The following STOX1 variants were observed in gnomAD, a reference collection of about 807,000 sequenced individuals.
STOX1 encodes storkhead-box protein 1.
STOX1 carries 57 observed loss-of-function variants against 74.8 expected under a neutral mutation model. The ratio of observed to expected loss-of-function variants is 0.76; its 90% CI spans 0.62 to 0.95. STOX1 has a LOEUF of 0.95. Among genes scored for constraint, STOX1 ranks in the 40% least tolerant of loss-of-function variants. The pLI is 0.00. For missense variants in STOX1, 1,010 were observed against 1,117.0 expected, an observed-to-expected ratio of 0.90 and a Z score of 1.37; for synonymous variants, 375 against 401.3, an observed-to-expected ratio of 0.93 and a Z score of 0.78.
intron 1 of STOX1, among the ~76,000 whole-genome samples, chr10:68,865,659 A>G (rs1840386194): frequency 6.6e-6 from 1 of 152,188 alleles, no homozygotes. Context: ...GAAACAAAAA[A>G]ACAAACAAAA....
chr10:68,882,329 CAATA>C (rs1217625234), intron 2 of STOX1, among the ~76,000 whole-genome samples: 4 of 151,822 alleles, frequency 2.6e-5, no homozygotes, highest in Non-Finnish European at 4.4e-5. Flanking sequence ...ATGCTTATGG[CAATA>C]AATAAATAAA....
intron 1 of STOX1, among the ~76,000 whole-genome samples, chr10:68,858,953 T>A (rs1473088766): frequency 1.3e-5 from 2 of 152,018 alleles, no homozygotes; most frequent in African/African-American, 4.8e-5. Flanking sequence ...CTATCCCAGC[T>A]CCTGTCACCA....
intron 1 of STOX1, among the ~76,000 whole-genome samples, chr10:68,836,083 G>A (rs889581028): frequency 3.9e-5 from 6 of 152,086 alleles, no homozygotes; most frequent in African/African-American, 1.4e-4. Context: ...GTGTTAGCAG[G>A]ATGGTCTCAG....
chr10:68,851,312 AAAAAG>A (rs1442813269), intron 1 of STOX1, among the ~76,000 whole-genome samples: 4 of 151,842 alleles, frequency 2.6e-5, no homozygotes, highest in Admixed American at 1.3e-4. Flanking sequence ...AAAAAAAAAA[AAAAAG>A]AAAAAAGAGT....
chr10:68,847,564 C>A (rs1278210246), intron 1 of STOX1, among the ~76,000 whole-genome samples: 1 of 152,032 alleles, frequency 6.6e-6, no homozygotes, highest in East Asian at 1.9e-4. Flanking sequence ...CGTGCACCAC[C>A]ACGCCCGGCT....
intron 1 of STOX1, among the ~76,000 whole-genome samples, chr10:68,866,653 A>G (rs949702836): frequency 1.6e-4 from 24 of 152,144 alleles, no homozygotes; most frequent in African/African-American, 4.8e-4. Context: ...TTTAAACTAG[A>G]TCTTCCCAGA....
At chr10:68,890,885 C>G (rs1376364779) in intron 3 of STOX1, among the ~76,000 whole-genome samples, 1 of 152,150 alleles carries the variant, frequency 6.6e-6, no homozygotes, top group Non-Finnish European at 1.5e-5. Context: ...CTCCTGACCT[C>G]AAGTGATCTA....
At chr10:68,865,732 A>G (rs777778308) in intron 1 of STOX1, among the ~76,000 whole-genome samples, 5 of 152,216 alleles carry the variant, frequency 3.3e-5, no homozygotes, top group Non-Finnish European at 7.3e-5. Context: ...CCTAGGTTGT[A>G]TAACTGAATT....
At chr10:68,840,982 C>G (rs1012688144) in intron 1 of STOX1, among the ~76,000 whole-genome samples, 1 of 151,080 alleles carries the variant, frequency 6.6e-6, no homozygotes, top group African/African-American at 2.4e-5. Flanking sequence ...GTGTCTCGCT[C>G]TGTTGCCCAG....
At chr10:68,864,203 C>T (rs146463378) in intron 1 of STOX1, among the ~76,000 whole-genome samples, 230 of 152,250 alleles carry the variant, frequency 1.5e-3, no homozygotes, top group Middle Eastern at 0.014. Context: ...GGATTACAGG[C>T]GTGAGCCACC....
At chr10:68,870,452 A>G (rs151017299) in intron 1 of STOX1, among the ~76,000 whole-genome samples, 226 of 152,296 alleles carry the variant, frequency 1.5e-3, no homozygotes, top group African/African-American at 5.3e-3. Flanking sequence ...AACGCTTGTA[A>G]CTGGTGTGGT....
chr10:68,871,668 A>C (rs967849141), intron 1 of STOX1, among the ~76,000 whole-genome samples: 1 of 152,154 alleles, frequency 6.6e-6, no homozygotes, highest in African/African-American at 2.4e-5. Context: ...CTGAATGTGG[A>C]GGAAAGTTTT....
intron 1 of STOX1, among the ~76,000 whole-genome samples, chr10:68,870,019 A>G (rs1044956850): frequency 1.3e-5 from 2 of 152,292 alleles, no homozygotes; most frequent in South Asian, 4.1e-4. Context: ...CTTGGCCCCC[A>G]GTATAGGACT....
chr10:68,865,688 A>G (rs1359394394), intron 1 of STOX1, among the ~76,000 whole-genome samples: 2 of 152,166 alleles, frequency 1.3e-5, no homozygotes, highest in South Asian at 2.1e-4. Context: ...TTTTGGAATC[A>G]TAGCAGGAGA....
chr10:68,860,894 G>A (rs1197635594), intron 1 of STOX1, among the ~76,000 whole-genome samples: 1 of 151,984 alleles, frequency 6.6e-6, no homozygotes, highest in African/African-American at 2.4e-5. Flanking sequence ...GGTCAAATAG[G>A]CTATGGGAGT....
Position 68,885,052 on chromosome 10 carries a change from C to A in STOX1, c.1256C>A (p.Ser419Tyr). Residue 419 changes from serine to tyrosine, a missense_variant, in exon 3 of 4, where the codon TCT (serine) becomes TAT (tyrosine). Ser to Tyr is a moderately radical substitution (Grantham distance 144). Coordinates refer to ENST00000298596, the MANE Select transcript of STOX1 (RefSeq NM_152709.5). Reference protein sequence around the residue: ...KEGVKKRQGLSAKPQGQGHSR... With the variant: ...KEGVKKRQGLYAKPQGQGHSR... ...GGGGTTAAGAAAAGGCAGGGTCTGT[C>A]TGCAAAACCTCAAGGGCAGGGCCAT... is the stretch of plus-strand genomic sequence containing the variant. 6.2e-7 allele frequency: 1 copy of A among 1,614,110 alleles called. No homozygotes were observed.
intron 1 of STOX1, among the ~76,000 whole-genome samples, chr10:68,830,655 T>C (rs1287403006): frequency 6.6e-6 from 1 of 152,156 alleles, no homozygotes; most frequent in Non-Finnish European, 1.5e-5. Flanking sequence ...TTTTGTTCTT[T>C]ATAATATTTT....
At chr10:68,867,094 G>T (rs891601671) in intron 1 of STOX1, among the ~76,000 whole-genome samples, 1 of 151,884 alleles carries the variant, frequency 6.6e-6, no homozygotes, top group African/African-American at 2.4e-5. Context: ...ACAGGCGCCC[G>T]CCACCACGCC....
intron 1 of STOX1, among the ~76,000 whole-genome samples, chr10:68,860,096 C>G (rs887812630): frequency 1.3e-5 from 2 of 151,798 alleles, no homozygotes; most frequent in South Asian, 2.1e-4. Context: ...TCGAGACCAG[C>G]CTGGCCAACA....
Sources: allele counts gnomAD v4.1 joint callset (sites outside exome capture counted in the v4.1 genomes callset), GRCh38; gene constraint gnomAD v4.1.1; transcripts MANE v1.5; gene names NCBI Gene and HGNC (gene_info 2026-07-23, HGNC 2026-07-21).